Variants in ADAM18 observed in about 807,000 individuals in gnomAD.
ADAM18 encodes ADAM metallopeptidase domain 18, also known as disintegrin and metalloproteinase domain-containing protein 18.
A neutral mutation model predicts 94.4 loss-of-function variants in ADAM18; 117 were observed. The observed-to-expected ratio is 1.24, with a 90% CI of 1.07 to 1.45. The LOEUF (loss-of-function observed/expected upper bound fraction) is 1.45, where lower values mean the gene tolerates loss of function less well. Ranked by LOEUF, ADAM18 falls within the 40% of genes most tolerant of loss-of-function variation. ADAM18 has a pLI of 0.00. For missense variants in ADAM18, 936 were observed against 880.0 expected (o/e 1.06, Z -0.81); for synonymous variants, 327 against 291.6 (o/e 1.12, Z -1.24).
At chr8:39,662,193 C>T (rs536730079) in intron 12 of ADAM18, among the ~76,000 whole-genome samples, 15 of 152,040 alleles carry the variant, frequency 9.9e-5, no homozygotes, top group African/African-American at 3.4e-4. Flanking sequence ...ATTAGTACTG[C>T]TAAGTATTGT....
At chr8:39,643,415 C>T (rs1820288842) in intron 10 of ADAM18, among the ~76,000 whole-genome samples, 1 of 152,082 alleles carries the variant, frequency 6.6e-6, no homozygotes, top group East Asian at 1.9e-4. Flanking sequence ...GTAATTCTTA[C>T]CTTTTCCTCA....
At chr8:39,691,322 A>G (rs1821771291) in intron 16 of ADAM18, among the ~76,000 whole-genome samples, 1 of 152,160 alleles carries the variant, frequency 6.6e-6, no homozygotes, top group Admixed American at 6.5e-5. Context: ...ACAAAAAGTA[A>G]CCCATGTTAG....
At chr8:39,590,602 T>TA (rs1010722544) in intron 2 of ADAM18, among the ~76,000 whole-genome samples, 3 of 151,934 alleles carry the variant, frequency 2.0e-5, no homozygotes, top group South Asian at 2.1e-4. Flanking sequence ...TAAAATAAAA[T>TA]AAAAAAAATA....
At chr8:39,722,205 GTGTGTGTGTGTGTATA>G (rs1822771545) in intron 18 of ADAM18, among the ~76,000 whole-genome samples, 2 of 73,654 alleles carry the variant, frequency 2.7e-5, no homozygotes, top group African/African-American at 1.6e-4. Flanking sequence ...GTGTGTGTGT[GTGTGTGTGTGTGTATA>G]TATATATATA....
At chr8:39,718,791 A>T (rs982458325) in intron 18 of ADAM18, among the ~76,000 whole-genome samples, 1 of 88,882 alleles carries the variant, frequency 1.1e-5, no homozygotes, top group African/African-American at 2.9e-5. Context: ...TAGCCAGAAA[A>T]TGTGAGATTG....
intron 14 of ADAM18, among the ~76,000 whole-genome samples, chr8:39,676,376 G>T (rs150767078): frequency 3.9e-5 from 6 of 152,330 alleles, no homozygotes; most frequent in Non-Finnish European, 8.8e-5. Flanking sequence ...CCCCAGCCAG[G>T]CTGCCACCTT....
At chr8:39,613,656 C>A (rs998905102) in intron 6 of ADAM18, among the ~76,000 whole-genome samples, 1 of 152,082 alleles carries the variant, frequency 6.6e-6, no homozygotes, top group Non-Finnish European at 1.5e-5. Flanking sequence ...ACTTAGAATT[C>A]AGAATCTGGA....
chr8:39,653,072 A>G (rs1259339805), intron 12 of ADAM18, among the ~76,000 whole-genome samples: 1 of 152,132 alleles, frequency 6.6e-6, no homozygotes, highest in Middle Eastern at 3.2e-3. Flanking sequence ...TTTAAATGAG[A>G]TAGGAGGCAT....
At chr8:39,672,798 AAC>A (rs1821190787) in intron 14 of ADAM18, among the ~76,000 whole-genome samples, 1 of 152,222 alleles carries the variant, frequency 6.6e-6, no homozygotes. Flanking sequence ...ACATTTTAAA[AAC>A]TAGTGGACAC....
chr8:39,701,144 AAAAAAT>A (rs1262853393), intron 17 of ADAM18, among the ~76,000 whole-genome samples: 7 of 145,532 alleles, frequency 4.8e-5, no homozygotes, highest in African/African-American at 1.5e-4. Context: ...AAAAAAAAAA[AAAAAAT>A]TTATTGTAAT....
chr8:39,600,928 A>C (rs909058648), intron 2 of ADAM18, among the ~76,000 whole-genome samples: 1 of 152,146 alleles, frequency 6.6e-6, no homozygotes, highest in East Asian at 1.9e-4. Flanking sequence ...AATAACTAAG[A>C]CTGGATAATT....
At chr8:39,712,468 A>G (rs1822440752) in intron 18 of ADAM18, among the ~76,000 whole-genome samples, 1 of 152,178 alleles carries the variant, frequency 6.6e-6, no homozygotes, top group African/African-American at 2.4e-5. Flanking sequence ...TAAAGAAATA[A>G]AGGGTATTCA....
In ADAM18 at chr8:39,713,234, C is replaced by T. The variant is rs1167929274; in HGVS notation, c.2017+6330C>T. ...AACGGTGCTGGGAAAACTGGCTAGT[C>T]GCATGTAGAAAACTGAAACTGGATC... is the stretch of plus-strand genomic sequence containing the variant. On this transcript the variant is annotated intron_variant, in intron 18 of 19. Coordinates refer to ENST00000265707, the MANE Select transcript of ADAM18 (RefSeq NM_014237.3). Among the ~76,000 whole-genome samples, 8 of 152,114 alleles carry T rather than the reference C, an allele frequency of 5.3e-5. No homozygotes were observed. In the East Asian group the frequency reaches 5.8e-4, roughly 11 times the overall value.
intron 2 of ADAM18, among the ~76,000 whole-genome samples, chr8:39,601,388 T>C (rs898263195): frequency 6.6e-6 from 1 of 152,256 alleles, no homozygotes; most frequent in Non-Finnish European, 1.5e-5. Flanking sequence ...ATTTGAGTTT[T>C]TCATGCATTT....
At chr8:39,708,946 A>G (rs1372439260) in intron 18 of ADAM18, among the ~76,000 whole-genome samples, 1 of 152,210 alleles carries the variant, frequency 6.6e-6, no homozygotes, top group Non-Finnish European at 1.5e-5. Context: ...TCCAGAGGGC[A>G]TGTTACAGTG....
intron 18 of ADAM18, among the ~76,000 whole-genome samples, chr8:39,710,592 A>G (rs562005812): frequency 5.9e-5 from 9 of 152,316 alleles, no homozygotes; most frequent in Admixed American, 5.9e-4. Context: ...CTTACCTTAG[A>G]CTAGCCTGAC....
chr8:39,641,083 C>T (rs1371309224), intron 10 of ADAM18, among the ~76,000 whole-genome samples: 2 of 151,948 alleles, frequency 1.3e-5, no homozygotes, highest in African/African-American at 4.8e-5. Context: ...AAATCATTGC[C>T]CATGTCTATG....
rs544757427 is a variant in ADAM18 at position 39,584,581 on chromosome 8, G to A, written c.-42G>A. 1.7e-5 allele frequency: 28 copies of A among 1,608,404 alleles called. No homozygotes were observed. Among genetic ancestry groups the A allele is most frequent in the Admixed American group, 8.3e-5 (5 of 60,010 alleles). Reference sequence around the variant, plus strand: ...GCCCGCGAGCTCAACGCTGCTCAACGGTCTCTGTCCTTGGCTGTGGCTCCT... The same window carrying A: ...GCCCGCGAGCTCAACGCTGCTCAACAGTCTCTGTCCTTGGCTGTGGCTCCT... On this transcript the variant is annotated 5_prime_UTR_variant, in exon 1 of 20. Transcript: ENST00000265707.
At chr8:39,623,595 T>C (rs1308325922) in intron 6 of ADAM18, among the ~76,000 whole-genome samples, 1 of 152,080 alleles carries the variant, frequency 6.6e-6, no homozygotes, top group Non-Finnish European at 1.5e-5. Context: ...TTTTTTTGTT[T>C]TTGTTTTTGT....
Sources: allele counts gnomAD v4.1 joint callset (sites outside exome capture counted in the v4.1 genomes callset), GRCh38; gene constraint gnomAD v4.1.1; transcripts MANE v1.5; gene names NCBI Gene and HGNC (gene_info 2026-07-23, HGNC 2026-07-21).